Variants in UTP20 observed in about 807,000 individuals in gnomAD.
UTP20 encodes small subunit processome component 20 homolog.
A neutral mutation model predicts 329.5 loss-of-function variants in UTP20; 164 were observed. The ratio of observed to expected loss-of-function variants is 0.50; its 90% CI spans 0.44 to 0.57. The LOEUF (loss-of-function observed/expected upper bound fraction) is 0.57. UTP20 is among the 20% of genes least tolerant of loss of function. The pLI, the probability that UTP20 is intolerant of heterozygous loss-of-function variation, is 0.00. For missense variants in UTP20, 3,055 were observed against 3,284.2 expected, an observed-to-expected ratio of 0.93 and a Z score of 1.71; for synonymous variants, 1,151 against 1,159.3, an observed-to-expected ratio of 0.99 and a Z score of 0.14.
chr12:101,299,744 A>T lies in UTP20; in HGVS notation c.1493A>T (p.Asp498Val), dbSNP rs777877274. 3 of 1,612,994 alleles carry T rather than the reference A, an allele frequency of 1.9e-6. No individual in the cohort carries two copies. Among genetic ancestry groups the T allele is most frequent in the Non-Finnish European group, 2.5e-6 (3 of 1,179,612 alleles). ...KGRNEQFPVLDHLLSIIKLPP... is the reference protein window; with the variant it reads ...KGRNEQFPVLVHLLSIIKLPP... ...AGAAACGAACAGTTTCCAGTATTGG[A>T]CCATCTTTTATCTATAATTAAGTTA... The change falls in exon 13 of 62, where the codon GAC becomes GTC. Residue 498 changes from aspartate to valine, a missense_variant. By Grantham distance (152) the Asp-to-Val change is radical (BLOSUM62 -3). Around this residue, in one of 3 missense-constraint regions of UTP20, gnomAD observed 2,445 missense variants for 2,575.5 expected, o/e 0.95. Coordinates refer to ENST00000261637, the MANE Select transcript of UTP20 (RefSeq NM_014503.3).
intron 26 of UTP20, 60 bp from the exon 27 acceptor site, chr12:101,329,181 T>C (rs1198968503): frequency 5.7e-6 from 8 of 1,405,846 alleles, no homozygotes; most frequent in Non-Finnish European, 7.9e-6. Context: ...ACTACAATTA[T>C]AAATAGTAAC....
chr12:101,324,217 C>CATTTATTTATTTATTT (rs200869541), intron 25 of UTP20, among the ~76,000 whole-genome samples: 1,556 of 146,564 alleles, frequency 0.011, 26 homozygotes, highest in Admixed American at 0.045. Flanking sequence ...TTGAGAGCCA[C>CATTTATTTATTTATTT]ATTTATTTAT....
intron 26 of UTP20, among the ~76,000 whole-genome samples, chr12:101,328,557 G>T (rs1868643365): frequency 1.3e-5 from 2 of 152,304 alleles, no homozygotes; most frequent in South Asian, 4.1e-4. Flanking sequence ...TGGAAAGTAA[G>T]AAAAGTGTAT....
In UTP20 at chr12:101,304,878, C is replaced by G. The variant is rs572751420; in HGVS notation, c.1782-1037C>G. On this transcript the variant is annotated intron_variant, in intron 15 of 61. Transcript: ENST00000261637. ...AACTCCTGGCTAGTTCTGACATCTT[C>G]AGGCACTCTTTGTTAGTTCCAGCTG... 8.7e-4 allele frequency among the ~76,000 whole-genome samples: 132 copies of G among 152,310 alleles called. No individual in the cohort carries two copies. The Middle Eastern group carries it at 0.017, about 20-fold the overall frequency.
intron 25 of UTP20, among the ~76,000 whole-genome samples, chr12:101,323,873 T>G (rs1034578409): frequency 6.6e-6 from 1 of 152,206 alleles, no homozygotes; most frequent in Admixed American, 6.5e-5. Context: ...CCCTGGTGGC[T>G]TACGCATGTA....
At chr12:101,289,504 A>T (rs1872071932) in intron 6 of UTP20, among the ~76,000 whole-genome samples, 1 of 152,186 alleles carries the variant, frequency 6.6e-6, no homozygotes, top group African/African-American at 2.4e-5. Context: ...CTATATATAT[A>T]CTTAACAGAA....
Position 101,344,753 on chromosome 12 carries a change from A to G in UTP20, c.4605+3A>G. 6.2e-7 allele frequency: 1 copy of G among 1,612,504 alleles called. No homozygotes were observed. Among genetic ancestry groups the G allele is most frequent in the African/African-American group, 1.3e-5 (1 of 74,920 alleles). On this transcript the variant is annotated splice_donor_region_variant and intron_variant, in intron 36 of 61. Transcript: ENST00000261637. ...AAGGTCTGAAGAGCCAGACAGAGGTATATAACTTTGTGTTTTAGGCACTAC... is the reference window on the plus strand; with the variant it reads ...AAGGTCTGAAGAGCCAGACAGAGGTGTATAACTTTGTGTTTTAGGCACTAC...
At chr12:101,307,548 T>C (rs897992491) in intron 17 of UTP20, among the ~76,000 whole-genome samples, 3 of 152,132 alleles carry the variant, frequency 2.0e-5, no homozygotes, top group African/African-American at 4.8e-5. Context: ...GGCTAATTTT[T>C]GTATTGTTAG....
chr12:101,301,531 G>C (rs141921971), intron 14 of UTP20, among the ~76,000 whole-genome samples: 6 of 151,894 alleles, frequency 4.0e-5, no homozygotes, highest in Middle Eastern at 3.4e-3. Flanking sequence ...AGCTGGGTAT[G>C]ATAGCACATG....
rs1283767968 is a variant in UTP20, at chr12:101,292,013, G to T, written c.1082G>T (p.Cys361Phe). The change falls in exon 10 of 62, where the codon TGC becomes TTC. Residue 361 changes from cysteine (C) to phenylalanine (F), a missense_variant. Transcript: ENST00000261637. ...CAAGTAGCCAGTCTCTCCACATCTT[G>T]CTGGGAGACCCTCTTGGATGTAATT... Reference protein sequence around the residue: ...TLQVASLSTSCWETLLDVISA... With the variant: ...TLQVASLSTSFWETLLDVISA... 1.2e-6 allele frequency: 2 copies of T among 1,614,110 alleles called. No individual in the cohort carries two copies. Among genetic ancestry groups the T allele is most frequent in the Non-Finnish European group, 1.7e-6 (2 of 1,180,012 alleles).
Position 101,373,418 on chromosome 12 carries a change from G to GGA in UTP20, c.6902_6903dup (p.Thr2303ProfsTer5). 2.5e-6 allele frequency: 4 copies of GGA among 1,614,054 alleles called. No individual in the cohort carries two copies. The highest frequency in any genetic ancestry group is 3.4e-6 in the Non-Finnish European group (4 of 1,179,982). ...TCCCCTAGTTACGAACATGAGACCG[G>GGA]GAGAGAGTCCACCTTGGAAATGATC... On this transcript the variant is annotated frameshift_variant, in exon 53 of 62. Transcript: ENST00000261637. LOFTEE classifies it high-confidence loss of function.
intron 2 of UTP20, among the ~76,000 whole-genome samples, chr12:101,281,795 CCCAGGTTTAAGCGATTCT>C (rs1177601946): frequency 6.6e-6 from 1 of 152,236 alleles, no homozygotes; most frequent in African/African-American, 2.4e-5. Flanking sequence ...ATCTCCACCT[CCCAGGTTTAAGCGATTCT>C]CCTGCCTCAG....
intron 38 of UTP20, among the ~76,000 whole-genome samples, chr12:101,349,660 C>T (rs912655167): frequency 6.6e-6 from 1 of 152,078 alleles, no homozygotes; most frequent in Admixed American, 6.6e-5. Flanking sequence ...AGGCTGGTCT[C>T]GAACTCCTGA....
At chr12:101,299,187 G>A (rs1370422036) in intron 12 of UTP20, among the ~76,000 whole-genome samples, 2 of 152,086 alleles carry the variant, frequency 1.3e-5, no homozygotes, top group Admixed American at 6.6e-5. Flanking sequence ...ATGTCATGTC[G>A]AAAAATGTCA....
At chr12:101,343,651 T>G (rs1278304817) in intron 35 of UTP20, among the ~76,000 whole-genome samples, 2 of 152,094 alleles carry the variant, frequency 1.3e-5, no homozygotes, top group African/African-American at 4.8e-5. Context: ...TAGCTGGGAT[T>G]ACAGGGGCAC....
In UTP20 at chr12:101,308,716, A is replaced by G. The variant is rs1001902984; in HGVS notation, c.2154+373A>G. On this transcript the variant is annotated intron_variant, in intron 18 of 61. Transcript: ENST00000261637. ...CTTCACTAGATTTGTTTGCTGCTGC[A>G]GAACATCAGCTCTCTATGTTTTTTT... 6.8e-5 allele frequency among the ~76,000 whole-genome samples: 10 copies of G among 147,472 alleles called. No homozygotes were observed. In the East Asian group the frequency reaches 1.0e-3, roughly 15 times the overall value.
chr12:101,321,415 G>C, intron 24 of UTP20, 89 bp from the exon 25 acceptor site: 1 of 1,547,214 alleles, frequency 6.5e-7, no homozygotes, highest in South Asian at 1.2e-5. Flanking sequence ...CCTTATTTTA[G>C]TTATTACTCT....
At chr12:101,342,707 G>A in intron 33 of UTP20, 80 bp from the exon 34 acceptor site, 2 of 1,533,794 alleles carry the variant, frequency 1.3e-6, no homozygotes, top group South Asian at 2.4e-5. Flanking sequence ...AATTTGAATG[G>A]GGACAGGTAG....
chr12:101,376,470 C>G (rs1870476584), intron 56 of UTP20, among the ~76,000 whole-genome samples: 1 of 152,072 alleles, frequency 6.6e-6, no homozygotes, highest in African/African-American at 2.4e-5. Flanking sequence ...TATGGTCCAG[C>G]CTGTTGCTAA....
Sources: allele counts gnomAD v4.1 joint callset (sites outside exome capture counted in the v4.1 genomes callset), GRCh38; gene constraint gnomAD v4.1.1; regional missense constraint gnomAD v4.1.1; transcripts MANE v1.5; gene names NCBI Gene and HGNC (gene_info 2026-07-23, HGNC 2026-07-21).